Variants in LRP1B observed in about 807,000 individuals in gnomAD.
The protein encoded by LRP1B is LDL receptor related protein 1B, also known as low-density lipoprotein receptor-related protein 1B.
In LRP1B, 217 loss-of-function variants were observed where a neutral mutation model predicts 556.6. The ratio of observed to expected loss-of-function variants is 0.39; its 90% CI spans 0.35 to 0.44. The LOEUF is 0.44. Ranked by LOEUF, LRP1B falls within the 20% of genes least tolerant of loss-of-function variation. The probability of loss-of-function intolerance (pLI) is 1.00; values close to 1 mark genes in which losing one functional copy is unlikely to be tolerated. For synonymous variants in LRP1B, 2,047 were observed against 1,865.8 expected (o/e 1.10, Z -2.50); for missense variants, 5,053 against 5,620.8 (o/e 0.90, Z 3.23).
chr2:141,191,460 A>G (rs1296316775), intron 6 of LRP1B, among the ~76,000 whole-genome samples: 1 of 151,908 alleles, frequency 6.6e-6, no homozygotes, highest in African/African-American at 2.4e-5. Flanking sequence ...ACATAGACAT[A>G]TGTGTCAGCA....
At chr2:141,980,324 C>T (rs993369888) in intron 1 of LRP1B, among the ~76,000 whole-genome samples, 1 of 151,984 alleles carries the variant, frequency 6.6e-6, no homozygotes, top group Non-Finnish European at 1.5e-5. Context: ...TGCAGTTCCC[C>T]AATGCTACAA....
chr2:141,456,633 G>C (rs1330800642), intron 3 of LRP1B, among the ~76,000 whole-genome samples: 2 of 152,156 alleles, frequency 1.3e-5, no homozygotes, highest in African/African-American at 4.8e-5. Flanking sequence ...GCTGCAATAA[G>C]ATATGAAATG....
At chr2:140,935,251 T>TA (rs1219512959) in intron 20 of LRP1B, among the ~76,000 whole-genome samples, 2 of 151,896 alleles carry the variant, frequency 1.3e-5, no homozygotes, top group Non-Finnish European at 2.9e-5. Context: ...TAAAGATGCA[T>TA]AAAAAAGTCA....
At chr2:140,825,929 G>A (rs1479566515) in intron 31 of LRP1B, among the ~76,000 whole-genome samples, 2 of 152,196 alleles carry the variant, frequency 1.3e-5, no homozygotes, top group African/African-American at 2.4e-5. Context: ...GGGTGTTGCT[G>A]TGGAAGTATT....
At chr2:141,154,191 T>G (rs762694678) in intron 7 of LRP1B, among the ~76,000 whole-genome samples, 1 of 151,898 alleles carries the variant, frequency 6.6e-6, no homozygotes, top group South Asian at 2.1e-4. Context: ...AAGTTGAATG[T>G]GTTTCTAACT....
chr2:141,035,262 G>T (rs1010101773), intron 11 of LRP1B, among the ~76,000 whole-genome samples: 4 of 151,882 alleles, frequency 2.6e-5, no homozygotes, highest in African/African-American at 9.7e-5. Context: ...GCTAAATGAC[G>T]AGTTAATGGG....
At position 140,536,712 on chromosome 2, in the gene LRP1B, G is replaced by GAAA; in HGVS notation, c.7514-4_7514-3insTTT. 6.4e-7 allele frequency: 1 copy of GAAA among 1,550,582 alleles called. No homozygotes were observed. Among genetic ancestry groups the GAAA allele is most frequent in the Admixed American group, 2.1e-5 (1 of 47,686 alleles). On this transcript the variant is annotated splice_region_variant and splice_polypyrimidine_tract_variant and intron_variant, in intron 45 of 90. Transcript: ENST00000389484. ...AGCGTTGCAGGAGGAATTTTTAGCT[G>GAAA]CAAGAAAAAAAAAAAAAGTCAATAC...
chr2:140,661,832 C>A (rs1685106687), intron 41 of LRP1B, among the ~76,000 whole-genome samples: 1 of 152,142 alleles, frequency 6.6e-6, no homozygotes, highest in South Asian at 2.1e-4. Context: ...ATATGATACA[C>A]ACTAAGTATA....
chr2:141,027,119 T>C (rs1698238352), intron 11 of LRP1B, among the ~76,000 whole-genome samples: 1 of 152,026 alleles, frequency 6.6e-6, no homozygotes, highest in Non-Finnish European at 1.5e-5. Context: ...AAGTGGGGCA[T>C]GGAAGAAGGG....
At chr2:141,815,383 T>G (rs1696505463) in intron 1 of LRP1B, among the ~76,000 whole-genome samples, 1 of 152,152 alleles carries the variant, frequency 6.6e-6, no homozygotes, top group African/African-American at 2.4e-5. Context: ...TTTTCTGTCG[T>G]ACAAGAGGAC....
Position 140,517,028 on chromosome 2 carries a change from A to G in LRP1B, c.8027-17T>C. On this transcript the variant is annotated splice_polypyrimidine_tract_variant and intron_variant, in intron 49 of 90. Transcript: ENST00000389484. ...TGTTTTGAACTGTGATAAAATATGGAATGTCAAACAATTTCATTTTAGACT... is the reference window on the plus strand; with the variant it reads ...TGTTTTGAACTGTGATAAAATATGGGATGTCAAACAATTTCATTTTAGACT... 3 of 1,534,998 alleles carry G rather than the reference A, an allele frequency of 2.0e-6. No homozygotes were observed. The highest frequency in any genetic ancestry group is 2.7e-6 in the Non-Finnish European group (3 of 1,108,916).
chr2:141,691,991 A>T (rs999308152), intron 2 of LRP1B, among the ~76,000 whole-genome samples: 1 of 151,934 alleles, frequency 6.6e-6, no homozygotes, highest in Non-Finnish European at 1.5e-5. Context: ...TTTCCAAATG[A>T]CAATATAGTC....
chr2:141,847,571 T>C (rs1697696019), intron 1 of LRP1B, among the ~76,000 whole-genome samples: 1 of 151,516 alleles, frequency 6.6e-6, no homozygotes, highest in Admixed American at 6.6e-5. Context: ...TATTTACAAA[T>C]ATGTGCAACA....
chr2:142,004,807 G>A (rs1212351697), intron 1 of LRP1B, among the ~76,000 whole-genome samples: 13 of 151,884 alleles, frequency 8.6e-5, no homozygotes, highest in South Asian at 2.1e-4. Context: ...AGCCATGATC[G>A]TGCCACTGCA....
intron 2 of LRP1B, among the ~76,000 whole-genome samples, chr2:141,495,206 A>T (rs1683470217): frequency 6.6e-6 from 1 of 152,142 alleles, no homozygotes; most frequent in Admixed American, 6.6e-5. Context: ...GGTCAGCTTT[A>T]CAATGAATTC....
intron 1 of LRP1B, among the ~76,000 whole-genome samples, chr2:142,110,108 A>G (rs1459678427): frequency 6.6e-6 from 1 of 152,248 alleles, no homozygotes; most frequent in Admixed American, 6.6e-5. Flanking sequence ...CCTTTATGTA[A>G]ATTTATCACT....
Position 140,539,899 on chromosome 2 carries a change from T to C in LRP1B, c.7513+1074A>G, listed in dbSNP as rs190012434. ...TTTCTCATTTGCTTTGGCATAGTCT[T>C]AAATAAATCAACTTTTACTTTTTTT... is the stretch of plus-strand genomic sequence containing the variant. On this transcript the variant is annotated intron_variant, in intron 45 of 90. Transcript: ENST00000389484. Among the ~76,000 whole-genome samples the C allele has an allele frequency of 1.9e-4, 29 of 152,286 alleles. No homozygotes were observed. The South Asian group carries it at 4.6e-3, about 24-fold the overall frequency.
chr2:140,804,649 A>ATTTTT (rs869167644), intron 32 of LRP1B, among the ~76,000 whole-genome samples: 6 of 57,940 alleles, frequency 1.0e-4, no homozygotes, highest in South Asian at 6.8e-4. Flanking sequence ...GTAAAAACTA[A>ATTTTT]TTTTTTTTTT....
chr2:141,790,325 GAA>G (rs70994452), intron 2 of LRP1B, among the ~76,000 whole-genome samples: 1 of 147,480 alleles, frequency 6.8e-6, no homozygotes, highest in Non-Finnish European at 1.5e-5. Flanking sequence ...AAGCATTTTA[GAA>G]AAAAAAAACT....
Sources: allele counts gnomAD v4.1 joint callset (sites outside exome capture counted in the v4.1 genomes callset), GRCh38; gene constraint gnomAD v4.1.1; transcripts MANE v1.5; gene names NCBI Gene and HGNC (gene_info 2026-07-23, HGNC 2026-07-21).